The following MYO3B variants were observed in gnomAD, a reference collection of about 807,000 sequenced individuals.
MYO3B encodes the protein myosin-IIIb.
In MYO3B, 156 loss-of-function variants were observed where a neutral mutation model predicts 174.6. The observed-to-expected ratio is 0.89, with a 90% confidence interval of 0.78 to 1.02. The LOEUF (loss-of-function observed/expected upper bound fraction) is 1.02. Ranked by LOEUF, MYO3B falls within the 50% of genes least tolerant of loss-of-function variation. The pLI, the probability that MYO3B is intolerant of heterozygous loss-of-function variation, is 0.00. For synonymous variants in MYO3B, 563 were observed against 569.1 expected (o/e 0.99, Z 0.15); for missense variants, 1,632 against 1,639.4 (o/e 1.00, Z 0.08).
In MYO3B at chr2:170,519,845, T is replaced by A. The variant is rs551129233; in HGVS notation, c.3575+305T>A. 1.1e-5 allele frequency: 3 copies of A among 261,942 alleles called. No homozygotes were observed. In the East Asian group the frequency reaches 3.4e-4, roughly 30 times the overall value. The allele number at this position is 261,942 out of a possible 1,614,324, so 16.2% of individuals were successfully genotyped here. A position where few individuals can be genotyped will look rare whatever the true frequency, so the allele number is the denominator to read the frequency against. On this transcript the variant is annotated intron_variant, in intron 30 of 34. Transcript: ENST00000408978. The stretch of plus-strand genomic sequence containing the variant: ...AAAATGAGCTGGCCATGGTGGCATG[T>A]GCCTGTAATCCCAGCTACTCAGGAG...
chr2:170,272,060 C>G (rs1214575352), intron 7 of MYO3B, among the ~76,000 whole-genome samples: 1 of 145,116 alleles, frequency 6.9e-6, no homozygotes, highest in Non-Finnish European at 1.5e-5. Flanking sequence ...GTCCCTCTTT[C>G]TAAATAGTGA....
intron 8 of MYO3B, chr2:170,340,720 CTG>C (rs2093972005): frequency 1.3e-5 from 2 of 152,174 alleles, no homozygotes; most frequent in South Asian, 4.1e-4. Flanking sequence ...CTCAGCCTCT[CTG>C]TGTAACATTT....
At chr2:170,368,975 A>C (rs2094218848) in intron 8 of MYO3B, among the ~76,000 whole-genome samples, 1 of 152,200 alleles carries the variant, frequency 6.6e-6, no homozygotes, top group South Asian at 2.1e-4. Flanking sequence ...TTGATGGTAC[A>C]AATTGTGTTT....
chr2:170,624,575 T>A lies in MYO3B; in HGVS notation c.3734-27053T>A, dbSNP rs1226029612. On this transcript the variant is annotated intron_variant, in intron 32 of 34. Coordinates refer to ENST00000408978, the MANE Select transcript of MYO3B (RefSeq NM_138995.5). ...CCTTTCTTTCTTTCTCCTGCCTGAT[T>A]GCCCTGGCCAGAACTTCCAACACTA... Among the ~76,000 whole-genome samples the A allele has an allele frequency of 2.0e-5, 3 of 152,324 alleles. No individual in the cohort carries two copies. The East Asian group carries it at 5.8e-4, about 29-fold the overall frequency.
chr2:170,533,769 A>G (rs1306592962), intron 30 of MYO3B, among the ~76,000 whole-genome samples: 1 of 152,174 alleles, frequency 6.6e-6, no homozygotes, highest in African/African-American at 2.4e-5. Flanking sequence ...CTAACTTCTG[A>G]CTATATATGC....
chr2:170,327,860 C>CATATATATATATATATATATAT (rs201033292), intron 7 of MYO3B, among the ~76,000 whole-genome samples: 2 of 102,532 alleles, frequency 2.0e-5, no homozygotes, highest in Admixed American at 2.4e-4. Context: ...GAATTATTAG[C>CATATATATATATATATATATAT]ATATATATAT....
chr2:170,652,064 CTT>C, intron 33 of MYO3B, 42 bp from the exon 34 acceptor site: 1 of 1,581,346 alleles, frequency 6.3e-7, no homozygotes. Context: ...AAATTAACGA[CTT>C]GCTGCTTTGC....
rs76037624 is a variant in MYO3B at position 170,374,139 on chromosome 2, G to A, written c.971+4762G>A. Among the ~76,000 whole-genome samples, 1,395 of 152,258 alleles carry A rather than the reference G, an allele frequency of 9.2e-3. 15 individuals carry two copies. Among genetic ancestry groups the A allele is most frequent in the African/African-American group, 0.031 (1,271 of 41,534 alleles). On this transcript the variant is annotated intron_variant, in intron 9 of 34. Coordinates refer to ENST00000408978, the MANE Select transcript of MYO3B (RefSeq NM_138995.5). ...CATCTGTCATCTCAATTAACTCTTA[G>A]CAGCAAGGAGTTAGGAGTAGAGAAA...
chr2:170,575,876 C>T (rs1484843033), intron 32 of MYO3B, among the ~76,000 whole-genome samples: 1 of 152,100 alleles, frequency 6.6e-6, no homozygotes, highest in Non-Finnish European at 1.5e-5. Flanking sequence ...AACAGAAAAC[C>T]CCTTTCTCCC....
intron 7 of MYO3B, among the ~76,000 whole-genome samples, chr2:170,246,529 GACACACACACACAC>G (rs58936698): frequency 1.0e-4 from 14 of 140,274 alleles, no homozygotes; most frequent in Middle Eastern, 3.6e-3. Context: ...TTTGGACATG[GACACACACACACAC>G]ACACACACAC....
intron 7 of MYO3B, among the ~76,000 whole-genome samples, chr2:170,312,941 C>A (rs950364121): frequency 1.2e-4 from 19 of 152,178 alleles, no homozygotes; most frequent in Admixed American, 3.3e-4. Context: ...CATAGAGGAA[C>A]TATTTATATT....
intron 23 of MYO3B, among the ~76,000 whole-genome samples, chr2:170,462,292 G>GCTC (rs1370166652): frequency 6.6e-6 from 1 of 152,194 alleles, no homozygotes; most frequent in Non-Finnish European, 1.5e-5. Flanking sequence ...TCATAGAGCT[G>GCTC]CTCACTGATA....
intron 22 of MYO3B, among the ~76,000 whole-genome samples, chr2:170,416,714 C>T (rs1405645838): frequency 6.7e-6 from 1 of 149,132 alleles, no homozygotes; most frequent in Non-Finnish European, 1.5e-5. Flanking sequence ...CTTTCATTTA[C>T]TCTGTTTTTG....
chr2:170,625,698 T>C (rs1414030522), intron 32 of MYO3B, among the ~76,000 whole-genome samples: 1 of 152,146 alleles, frequency 6.6e-6, no homozygotes, highest in Non-Finnish European at 1.5e-5. Context: ...TTTAGTGCTA[T>C]AAGTTTCCCT....
At position 170,335,553 on chromosome 2, in the gene MYO3B, C is replaced by G. The variant is rs187438122; in HGVS notation, c.815+103C>G. The G allele has an allele frequency of 4.0e-4, 340 of 839,868 alleles. No individual in the cohort carries two copies. In the African/African-American group the frequency reaches 4.1e-3, roughly 10 times the overall value. The allele number at this position is 839,868 out of a possible 1,614,324, so 52.0% of individuals were successfully genotyped here. A position where few individuals can be genotyped will look rare whatever the true frequency, so the allele number is the denominator to read the frequency against. On this transcript the variant is annotated intron_variant, in intron 8 of 34. Coordinates refer to ENST00000408978, the MANE Select transcript of MYO3B (RefSeq NM_138995.5). ...TTACTTGACACTAGAGGTTGTTATG[C>G]CTGTTAGCACGTTATGACTCGGGGT...
intron 25 of MYO3B, among the ~76,000 whole-genome samples, chr2:170,490,425 A>T (rs1686394133): frequency 6.6e-6 from 1 of 152,188 alleles, no homozygotes; most frequent in Non-Finnish European, 1.5e-5. Flanking sequence ...TTCACTTACT[A>T]GTTATGGTAG....
chr2:170,535,430 G>A (rs535446971), intron 30 of MYO3B, among the ~76,000 whole-genome samples: 1 of 152,300 alleles, frequency 6.6e-6, no homozygotes, highest in South Asian at 2.1e-4. Flanking sequence ...TATACCTCCA[G>A]ATATCATTGG....
At chr2:170,235,905 A>G in intron 6 of MYO3B, 86 bp from the exon 7 acceptor site, 2 of 1,540,516 alleles carry the variant, frequency 1.3e-6, no homozygotes, top group Non-Finnish European at 1.8e-6. Context: ...AAAACTGAGA[A>G]CGGGGCTAAG....
At chr2:170,553,055 G>A (rs1691033461) in intron 32 of MYO3B, among the ~76,000 whole-genome samples, 1 of 152,182 alleles carries the variant, frequency 6.6e-6, no homozygotes, top group Non-Finnish European at 1.5e-5. Flanking sequence ...AGGATGTATG[G>A]AAACACCTGG....
Sources: allele counts gnomAD v4.1 joint callset (sites outside exome capture counted in the v4.1 genomes callset), GRCh38; gene constraint gnomAD v4.1.1; transcripts MANE v1.5; gene names NCBI Gene and HGNC (gene_info 2026-07-23, HGNC 2026-07-21).